The following ASXL2 variants were observed in gnomAD, a reference collection of about 807,000 sequenced individuals.
ASXL2 encodes putative Polycomb group protein ASXL2.
A neutral mutation model predicts 122.0 loss-of-function variants in ASXL2; 23 were observed. The ratio of observed to expected loss-of-function variants is 0.19; its 90% CI spans 0.14 to 0.27. ASXL2 has a LOEUF of 0.27. ASXL2 is among the 10% of genes least tolerant of loss of function. ASXL2 has a pLI of 1.00. For synonymous variants in ASXL2, 650 were observed against 637.0 expected (o/e 1.02, Z -0.31); for missense variants, 1,518 against 1,713.8 (o/e 0.89, Z 2.02).
intron 3 of ASXL2, chr2:25,810,540 C>G: frequency 1.4e-6 from 1 of 728,376 alleles, no homozygotes; most frequent in Non-Finnish European, 2.5e-6. Context: ...CCCAGGCGCG[C>G]CTTTCTCCTT....
At chr2:25,841,736 A>G (rs1157845327) in intron 2 of ASXL2, among the ~76,000 whole-genome samples, 4 of 152,110 alleles carry the variant, frequency 2.6e-5, no homozygotes, top group Admixed American at 6.5e-5. Context: ...TCACGAGGTC[A>G]GGAGATCGAG....
rs1197387940 is a variant in ASXL2, at chr2:25,740,322, AGAT to A, written c.*1704_*1706del. ...GGGTAGTAGAATGGGGGCAAAACAG[AGAT>A]GATTATTGCCCATTTTCTCCTAATC... On this transcript the variant is annotated 3_prime_UTR_variant, in exon 13 of 13. Transcript: ENST00000435504. 2 of 224,096 alleles carry A rather than the reference AGAT, an allele frequency of 8.9e-6. No individual in the cohort carries two copies. The highest frequency in any genetic ancestry group is 4.5e-5 in the African/African-American group (2 of 44,852). 13.9% of individuals were successfully genotyped at this position (224,096 alleles called of 1,614,324 possible). A position where few individuals can be genotyped will look rare whatever the true frequency, so the allele number is the denominator to read the frequency against.
At chr2:25,811,886 G>A (rs1157505581) in intron 3 of ASXL2, among the ~76,000 whole-genome samples, 1 of 151,938 alleles carries the variant, frequency 6.6e-6, no homozygotes, top group Non-Finnish European at 1.5e-5. Context: ...TGAGTAGCTG[G>A]GATTAGAGGC....
intron 6 of ASXL2, among the ~76,000 whole-genome samples, chr2:25,769,385 A>G (rs1468883705): frequency 6.6e-6 from 1 of 152,314 alleles, no homozygotes; most frequent in African/African-American, 2.4e-5. Flanking sequence ...GTAAATAACT[A>G]CATCAGTTGT....
chr2:25,821,190 A>C (rs898591029), intron 3 of ASXL2, among the ~76,000 whole-genome samples: 4 of 151,894 alleles, frequency 2.6e-5, no homozygotes, highest in African/African-American at 9.7e-5. Flanking sequence ...AAAAAGAAAA[A>C]ATCAAAAAAA....
intron 3 of ASXL2, among the ~76,000 whole-genome samples, chr2:25,807,442 G>GA (rs1389122795): frequency 6.6e-6 from 1 of 152,124 alleles, no homozygotes; most frequent in Non-Finnish European, 1.5e-5. Flanking sequence ...AATAACAAAG[G>GA]AAAGAAAAGC....
rs572373708 is a variant in ASXL2 at position 25,839,772 on chromosome 2, G to C, written c.141-4232C>G. 5.2e-4 allele frequency among the ~76,000 whole-genome samples: 78 copies of C among 151,172 alleles called. 1 individual carries two copies. In the South Asian group the frequency reaches 0.016, roughly 31 times the overall value. Reference sequence around the variant, plus strand: ...CAGCATATTTGGGAGGCTGGAGTTTGAATCACCTCTGACACTTCCTGAGGT... The same window carrying C: ...CAGCATATTTGGGAGGCTGGAGTTTCAATCACCTCTGACACTTCCTGAGGT... On this transcript the variant is annotated intron_variant, in intron 2 of 12. Coordinates refer to ENST00000435504, the MANE Select transcript of ASXL2 (RefSeq NM_018263.6).
At chr2:25,870,209 G>A (rs915531719) in intron 1 of ASXL2, among the ~76,000 whole-genome samples, 2 of 152,082 alleles carry the variant, frequency 1.3e-5, no homozygotes, top group South Asian at 4.1e-4. Flanking sequence ...GCCCCCATCT[G>A]TACAAAAAAT....
intron 3 of ASXL2, among the ~76,000 whole-genome samples, chr2:25,816,288 A>G (rs1559519441): frequency 6.6e-6 from 1 of 152,216 alleles, no homozygotes; most frequent in Non-Finnish European, 1.5e-5. Context: ...GTCAAGGATA[A>G]AGAAAGAATC....
intron 3 of ASXL2, among the ~76,000 whole-genome samples, chr2:25,810,969 G>A (rs1045634943): frequency 6.6e-6 from 1 of 151,928 alleles, no homozygotes; most frequent in East Asian, 1.9e-4. Flanking sequence ...GCTCATGCCT[G>A]TAATCCAAGC....
rs1168092909 is a variant in ASXL2, at chr2:25,737,747, C to T, written c.*4282G>A. Reference sequence around the variant, plus strand: ...AATGAAAAATAAGAATATAGGAATACATACAATCTATATACATATATTTAT... The same window carrying T: ...AATGAAAAATAAGAATATAGGAATATATACAATCTATATACATATATTTAT... On this transcript the variant is annotated 3_prime_UTR_variant, in exon 13 of 13. Coordinates refer to ENST00000435504, the MANE Select transcript of ASXL2 (RefSeq NM_018263.6). 1 of 152,138 alleles carries T rather than the reference C, an allele frequency of 6.6e-6. No homozygotes were observed. Among genetic ancestry groups the T allele is most frequent in the Non-Finnish European group, 1.5e-5 (1 of 68,022 alleles). The allele number at this position is 152,138 out of a possible 1,614,324, so 9.4% of individuals were successfully genotyped here. A position where few individuals can be genotyped will look rare whatever the true frequency, so the allele number is the denominator to read the frequency against.
intron 1 of ASXL2, among the ~76,000 whole-genome samples, chr2:25,851,147 CAAAA>C (rs570159423): frequency 4.2e-5 from 4 of 96,292 alleles, no homozygotes; most frequent in Non-Finnish European, 4.4e-5. Context: ...ACTCCTTCTC[CAAAA>C]AAAAAAAAAA....
intron 8 of ASXL2, among the ~76,000 whole-genome samples, chr2:25,760,610 C>T (rs1023982985): frequency 6.6e-6 from 1 of 152,206 alleles, no homozygotes; most frequent in African/African-American, 2.4e-5. Flanking sequence ...ATTGCTTTCA[C>T]AAAGCTATAC....
intron 3 of ASXL2, among the ~76,000 whole-genome samples, chr2:25,807,986 T>TACACACAC (rs147273836): frequency 0.13 from 16,556 of 131,530 alleles, 1,129 homozygotes; most frequent in Non-Finnish European, 0.16. Context: ...AATCAGCTTT[T>TACACACAC]ACACACACAC....
chr2:25,821,439 G>GTAA (rs920068419), intron 3 of ASXL2, among the ~76,000 whole-genome samples: 6 of 151,958 alleles, frequency 3.9e-5, no homozygotes, highest in Non-Finnish European at 8.8e-5. Context: ...TTTATGGCAT[G>GTAA]TAAACTACAC....
intron 3 of ASXL2, among the ~76,000 whole-genome samples, chr2:25,818,883 G>A: frequency 6.6e-6 from 1 of 152,064 alleles, no homozygotes; most frequent in Middle Eastern, 3.2e-3. Flanking sequence ...TGTGGGTAGG[G>A]CCTGTAATCA....
Position 25,806,319 on chromosome 2 carries a change from T to C in ASXL2, c.162A>G (p.Ala54=), listed in dbSNP as rs1203581527. ...KEIRSGTSPL[A]CLNAMLHTNS... ...TTGTGTGAAGCATTGCATTCAGGCA[T>C]GCAAGAGGAGAAGTCCCACTGCAAA... The change falls in exon 4 of 13, where the codon GCA becomes GCG. Residue 54 remains alanine, a synonymous_variant. Transcript: ENST00000435504. 3.1e-6 allele frequency: 5 copies of C among 1,612,146 alleles called. No homozygotes were observed. The highest frequency in any genetic ancestry group is 4.2e-6 in the Non-Finnish European group (5 of 1,178,986).
Position 25,780,728 on chromosome 2 carries a change from T to A in ASXL2, c.404-9188A>T, listed in dbSNP as rs560983000. 3.3e-5 allele frequency among the ~76,000 whole-genome samples: 5 copies of A among 152,298 alleles called. No individual in the cohort carries two copies. In the East Asian group the frequency reaches 7.7e-4, roughly 23 times the overall value. ...GAAGTGAGTTTGCCAGACTAAAAGA[T>A]AAACATGTACACTTCAAGAAGCATC... On this transcript the variant is annotated intron_variant, in intron 5 of 12. Coordinates refer to ENST00000435504, the MANE Select transcript of ASXL2 (RefSeq NM_018263.6).
intron 3 of ASXL2, among the ~76,000 whole-genome samples, chr2:25,835,292 T>C (rs545604516): frequency 1.3e-5 from 2 of 152,240 alleles, no homozygotes. Context: ...TTGATTTTAA[T>C]AAACCTTAAT....
Sources: gnomAD v4.1 joint callset for allele counts (sites outside exome capture counted in the v4.1 genomes callset) on GRCh38, gnomAD v4.1.1 for gene constraint, MANE v1.5 for transcripts, NCBI Gene and HGNC (gene_info 2026-07-23, HGNC 2026-07-21) for gene names.